The following PPWD1 variants were observed in gnomAD, a reference collection of about 807,000 sequenced individuals.
PPWD1 encodes the protein peptidylprolyl isomerase domain and WD repeat-containing protein 1.
A neutral mutation model predicts 68.8 loss-of-function variants in PPWD1; 43 were observed. That is an observed-to-expected ratio of 0.62 (90% CI 0.49 to 0.81). PPWD1 has a LOEUF of 0.81. Among genes scored for constraint, PPWD1 ranks in the 30% least tolerant of loss-of-function variants. The probability of loss-of-function intolerance (pLI) is 0.00; values close to 1 mark genes in which losing one functional copy is unlikely to be tolerated. For missense variants in PPWD1, 672 were observed against 804.8 expected, an observed-to-expected ratio of 0.83 and a Z score of 2.00; for synonymous variants, 232 against 258.7, an observed-to-expected ratio of 0.90 and a Z score of 0.99.
chr5:65,586,996 A>T (rs1242527587), intron 10 of PPWD1, among the ~76,000 whole-genome samples: 1 of 152,202 alleles, frequency 6.6e-6, no homozygotes, highest in African/African-American at 2.4e-5. Context: ...ACCTTTAGGG[A>T]AGATCTTCCA....
chr5:65,575,817 A>G (rs1753255611), intron 5 of PPWD1, among the ~76,000 whole-genome samples: 1 of 152,262 alleles, frequency 6.6e-6, no homozygotes, highest in Non-Finnish European at 1.5e-5. Context: ...ACCTAATGGT[A>G]ATCTCACTGC....
At chr5:65,583,934 AGAGT>A (rs2150608658) in intron 8 of PPWD1, among the ~76,000 whole-genome samples, 1 of 152,302 alleles carries the variant, frequency 6.6e-6, no homozygotes, top group Admixed American at 6.5e-5. Flanking sequence ...CCTGGGCAAC[AGAGT>A]GAGACCCTGT....
chr5:65,569,533 T>TA, intron 2 of PPWD1, 99 bp from the exon 3 acceptor site: 1 of 1,340,916 alleles, frequency 7.5e-7, no homozygotes, highest in Non-Finnish European at 9.9e-7. Context: ...AAAAACCTAT[T>TA]ATGCACAAGT....
intron 5 of PPWD1, among the ~76,000 whole-genome samples, chr5:65,574,448 C>CTTTTTT (rs573705705): frequency 3.3e-5 from 3 of 91,998 alleles, no homozygotes; most frequent in African/African-American, 1.3e-4. Flanking sequence ...ACACAAATCT[C>CTTTTTT]TTTTTTTTTT....
chr5:65,583,136 A>G lies in PPWD1; in HGVS notation c.1449A>G (p.Gln483=), dbSNP rs768034290. ...AAGAAGAAGTCATGGCAGCTACTCA[A>G]GCTGAAGGACCTAAACGAGTTTCGG... is the stretch of plus-strand genomic sequence containing the variant. ...PSKEEVMAAT[Q]AEGPKRVSDS... Residue 483 remains glutamine (Q), a synonymous_variant, in exon 8 of 11, where the codon CAA becomes CAG. Transcript: ENST00000261308. 1.2e-6 allele frequency: 2 copies of G among 1,613,800 alleles called. No homozygotes were observed. Among genetic ancestry groups the G allele is most frequent in the South Asian group, 2.2e-5 (2 of 91,020 alleles).
intron 8 of PPWD1, among the ~76,000 whole-genome samples, chr5:65,583,782 C>G (rs985700554): frequency 6.6e-6 from 1 of 152,092 alleles, no homozygotes; most frequent in Non-Finnish European, 1.5e-5. Flanking sequence ...GACTCTATCT[C>G]TTAAAAAAAA....
intron 6 of PPWD1, among the ~76,000 whole-genome samples, chr5:65,578,804 A>ATG (rs1306403976): frequency 9.3e-4 from 136 of 146,490 alleles, no homozygotes; most frequent in African/African-American, 2.7e-3. Context: ...ATACATATAT[A>ATG]TGTGTATATA....
intron 7 of PPWD1, chr5:65,582,590 T>C (rs765152032): frequency 2.3e-4 from 36 of 158,590 alleles, no homozygotes; most frequent in Non-Finnish European, 4.1e-4. Context: ...TGTACTGTTA[T>C]CATCATATAT....
intron 3 of PPWD1, 29 bp downstream of exon 3, chr5:65,569,761 C>T (rs1752936184): frequency 6.3e-7 from 1 of 1,596,442 alleles, no homozygotes; most frequent in Non-Finnish European, 8.5e-7. Context: ...TTTCTTGTAG[C>T]TCTTTCCTAA....
chr5:65,563,677 T>A, intron 1 of PPWD1, 171 bp downstream of exon 1: 1 of 1,349,140 alleles, frequency 7.4e-7, no homozygotes, highest in Non-Finnish European at 1.0e-6. Flanking sequence ...AAATAGTGAT[T>A]TAAGCGTAGT....
chr5:65,563,540 G>A lies in PPWD1; in HGVS notation c.196+34G>A. The A allele has an allele frequency of 2.5e-6, 4 of 1,580,424 alleles. No individual in the cohort carries two copies. In the South Asian group the frequency reaches 4.6e-5, roughly 18 times the overall value. ...AGACATAGTACCGGGACGAATTGGAGTGCTGCGTCCGCTGAGTAGGAGGGT... is the reference window on the plus strand; with the variant it reads ...AGACATAGTACCGGGACGAATTGGAATGCTGCGTCCGCTGAGTAGGAGGGT... On this transcript the variant is annotated intron_variant, in intron 1 of 10. Coordinates refer to ENST00000261308, the MANE Select transcript of PPWD1 (RefSeq NM_015342.4).
At chr5:65,569,488 A>G (rs956634211) in intron 2 of PPWD1, 144 bp from the exon 3 acceptor site, 118 of 931,290 alleles carry the variant, frequency 1.3e-4, no homozygotes, top group Admixed American at 2.6e-4. Context: ...GTTCTGTAAT[A>G]TAGTGGTCTG....
intron 2 of PPWD1, 42 bp downstream of exon 2, chr5:65,567,657 TAA>T (rs35529383): frequency 5.2e-4 from 709 of 1,356,264 alleles, no homozygotes; most frequent in Admixed American, 1.6e-3. Context: ...TGAGTTTATT[TAA>T]AAAAAAAAAA....
At chr5:65,566,920 A>G (rs1449247597) in intron 1 of PPWD1, among the ~76,000 whole-genome samples, 1 of 151,250 alleles carries the variant, frequency 6.6e-6, no homozygotes, top group East Asian at 1.9e-4. Context: ...GATTTTTTCC[A>G]GGTTTTGCCG....
At chr5:65,582,892 C>G (rs1753658350) in intron 7 of PPWD1, 146 bp from the exon 8 acceptor site, 16 of 1,075,774 alleles carry the variant, frequency 1.5e-5, no homozygotes, top group Non-Finnish European at 1.9e-5. Context: ...CTGACACATC[C>G]TGTATGGGAA....
In PPWD1 at chr5:65,563,448, C is replaced by G; in HGVS notation, c.138C>G (p.Asn46Lys). 6.2e-7 allele frequency: 1 copy of G among 1,614,064 alleles called. No homozygotes were observed. The change falls in exon 1 of 11, where the codon AAC becomes AAG. Residue 46 changes from asparagine to lysine, a missense_variant. By Grantham distance (94) the Asn-to-Lys change is moderately conservative. Around this residue, in one of 2 missense-constraint regions of PPWD1, gnomAD observed 188 missense variants for 158.6 expected, o/e 1.19. Transcript: ENST00000261308. ...VAVSQENDEE[N>K]EERWVGPLPV... ...TGTCCCAGGAGAACGATGAGGAGAACGAAGAGCGCTGGGTTGGACCTTTAC... is the reference window on the plus strand; with the variant it reads ...TGTCCCAGGAGAACGATGAGGAGAAGGAAGAGCGCTGGGTTGGACCTTTAC...
chr5:65,585,804 TTA>T (rs1753815598), intron 9 of PPWD1, 193 bp from the exon 10 acceptor site: 1 of 569,276 alleles, frequency 1.8e-6, no homozygotes, highest in Non-Finnish European at 2.2e-6. Flanking sequence ...ACCTTTGCAT[TTA>T]TGTTTCAATC....
At chr5:65,575,019 C>T (rs945209273) in intron 5 of PPWD1, among the ~76,000 whole-genome samples, 5 of 152,116 alleles carry the variant, frequency 3.3e-5, no homozygotes, top group Admixed American at 6.5e-5. Flanking sequence ...TCTAACCAGT[C>T]GGAATCCTAG....
chr5:65,563,626 TCC>T, intron 1 of PPWD1, 120 bp downstream of exon 1: 1 of 1,365,920 alleles, frequency 7.3e-7, no homozygotes, highest in South Asian at 1.4e-5. Context: ...CAGAGGGCCG[TCC>T]TCTCACTTCT....
Sources: gnomAD v4.1 joint callset for allele counts (sites outside exome capture counted in the v4.1 genomes callset) on GRCh38, gnomAD v4.1.1 for gene constraint, gnomAD v4.1.1 regional missense constraint, MANE v1.5 for transcripts, NCBI Gene and HGNC (gene_info 2026-07-23, HGNC 2026-07-21) for gene names.